The following USP8 variants were observed in gnomAD, a reference collection of about 807,000 sequenced individuals.
USP8 encodes ubiquitin carboxyl-terminal hydrolase 8.
In USP8, 27 loss-of-function variants were observed where a neutral mutation model predicts 130.0. The observed-to-expected ratio is 0.21, with a 90% CI of 0.15 to 0.29. The LOEUF (loss-of-function observed/expected upper bound fraction) is 0.29, where lower values mean the gene tolerates loss of function less well. Ranked by LOEUF, USP8 falls within the 10% of genes least tolerant of loss-of-function variation. USP8 has a pLI of 1.00. For synonymous variants in USP8, 392 were observed against 444.1 expected (o/e 0.88, Z 1.48); for missense variants, 1,029 against 1,312.2 (o/e 0.78, Z 3.33).
chr15:50,433,767 G>T (rs893385445), intron 1 of USP8, among the ~76,000 whole-genome samples: 16 of 151,996 alleles, frequency 1.1e-4, no homozygotes, highest in Non-Finnish European at 1.5e-5. Flanking sequence ...CACCGTGCCC[G>T]GCTAATTTTT....
intron 17 of USP8, 22 bp from the exon 18 acceptor site, chr15:50,497,067 G>A: frequency 6.3e-7 from 1 of 1,586,480 alleles, no homozygotes; most frequent in African/African-American, 1.4e-5. Context: ...ACGAGTATCT[G>A]CTACTTGTTT....
chr15:50,432,296 T>C (rs1018352557), intron 1 of USP8: 39 of 152,212 alleles, frequency 2.6e-4, no homozygotes, highest in African/African-American at 9.2e-4. Context: ...TGTTGCCCAC[T>C]TTGTTGGCTA....
At chr15:50,482,146 A>G in intron 11 of USP8, 81 bp downstream of exon 11, 2 of 1,293,074 alleles carry the variant, frequency 1.5e-6, no homozygotes, top group Non-Finnish European at 2.1e-6. Context: ...GCATTCCATA[A>G]AAGGGCAGGC....
At chr15:50,446,680 G>T (rs939930934) in intron 3 of USP8, among the ~76,000 whole-genome samples, 2 of 152,158 alleles carry the variant, frequency 1.3e-5, no homozygotes, top group Non-Finnish European at 2.9e-5. Context: ...CATAGTGAAG[G>T]GTCCTTCTAG....
chr15:50,428,273 C>T (rs893183627), intron 1 of USP8, among the ~76,000 whole-genome samples: 23 of 152,118 alleles, frequency 1.5e-4, no homozygotes, highest in African/African-American at 3.1e-4. Context: ...TATGCCGCCA[C>T]GCCCAGCTAA....
chr15:50,436,589 C>T (rs1246492977), intron 1 of USP8, among the ~76,000 whole-genome samples: 2 of 151,938 alleles, frequency 1.3e-5, no homozygotes, highest in African/African-American at 2.4e-5. Context: ...ACCTCACCTC[C>T]CGGGTTCAAG....
At chr15:50,481,130 G>T (rs1158075564) in intron 10 of USP8, among the ~76,000 whole-genome samples, 1 of 152,136 alleles carries the variant, frequency 6.6e-6, no homozygotes, top group African/African-American at 2.4e-5. Flanking sequence ...CACTCAAATG[G>T]AAATATTGGG....
At chr15:50,488,783 G>A (rs1224903310) in intron 12 of USP8, among the ~76,000 whole-genome samples, 1 of 151,594 alleles carries the variant, frequency 6.6e-6, no homozygotes, top group Non-Finnish European at 1.5e-5. Flanking sequence ...ATGTTGCCCA[G>A]GCTGGTCTCG....
chr15:50,511,908 A>C lies in USP8; in HGVS notation c.*12820A>C, dbSNP rs1212362961. 2 of 152,202 alleles carry C rather than the reference A, an allele frequency of 1.3e-5. No individual in the cohort carries two copies. The highest frequency in any genetic ancestry group is 2.9e-5 in the Non-Finnish European group (2 of 68,082). 9.4% of individuals were successfully genotyped at this position (152,202 alleles called of 1,614,324 possible). On this transcript the variant is annotated 3_prime_UTR_variant, in exon 20 of 20. Transcript: ENST00000307179. ...AGCTACTCGAGGGAGGGAGGAGGGA[A>C]GATCACTTGAGCCAGGGAGGTTGAG...
intron 4 of USP8, among the ~76,000 whole-genome samples, chr15:50,458,156 T>G (rs1228111364): frequency 6.6e-6 from 1 of 152,144 alleles, no homozygotes; most frequent in African/African-American, 2.4e-5. Flanking sequence ...TTCGTTCATT[T>G]ATTTATTTAT....
intron 12 of USP8, among the ~76,000 whole-genome samples, chr15:50,485,550 ATTTTTTTT>A (rs71424071): frequency 1.8e-3 from 49 of 27,944 alleles, no homozygotes; most frequent in South Asian, 7.2e-3. Context: ...CAGTTTAGTG[ATTTTTTTT>A]TTTTTTTTTT....
At chr15:50,435,515 C>G (rs1245226709) in intron 1 of USP8, among the ~76,000 whole-genome samples, 1 of 152,166 alleles carries the variant, frequency 6.6e-6, no homozygotes, top group African/African-American at 2.4e-5. Flanking sequence ...AACCACTCTC[C>G]TACAGATACT....
chr15:50,500,984 T>G lies in USP8; in HGVS notation c.*1896T>G. On this transcript the variant is annotated 3_prime_UTR_variant, in exon 20 of 20. Transcript: ENST00000307179. ...TAATTTTGTTGTTAAATCATGCATATAGCCTGACTGCTATATTGCTTCTCA... is the reference window on the plus strand; with the variant it reads ...TAATTTTGTTGTTAAATCATGCATAGAGCCTGACTGCTATATTGCTTCTCA... 1 of 638,200 alleles carries G rather than the reference T, an allele frequency of 1.6e-6. No individual in the cohort carries two copies. The allele number at this position is 638,200 out of a possible 1,614,324, so 39.5% of individuals were successfully genotyped here. A position where few individuals can be genotyped will look rare whatever the true frequency, so the allele number is the denominator to read the frequency against.
chr15:50,477,789 C>T (rs1287371453), intron 10 of USP8, among the ~76,000 whole-genome samples: 1 of 150,242 alleles, frequency 6.7e-6, no homozygotes, highest in Non-Finnish European at 1.5e-5. Flanking sequence ...TGCAGTGAGT[C>T]GAGATTGCAC....
intron 7 of USP8, among the ~76,000 whole-genome samples, chr15:50,469,517 G>T (rs2051304923): frequency 6.6e-6 from 1 of 151,848 alleles, no homozygotes; most frequent in Non-Finnish European, 1.5e-5. Flanking sequence ...CTTCTTTGTT[G>T]ACCAAGCATC....
intron 7 of USP8, among the ~76,000 whole-genome samples, chr15:50,467,731 T>G (rs1200690570): frequency 6.6e-6 from 1 of 151,514 alleles, no homozygotes; most frequent in Non-Finnish European, 1.5e-5. Context: ...GATTTTTGTA[T>G]TTTTTTGTAG....
At chr15:50,459,677 A>C (rs1211935624) in intron 5 of USP8, among the ~76,000 whole-genome samples, 1 of 152,042 alleles carries the variant, frequency 6.6e-6, no homozygotes, top group African/African-American at 2.4e-5. Context: ...TCTCTGCATT[A>C]ATTCGTTTTT....
chr15:50,441,001 CAA>C (rs34390770), intron 2 of USP8, among the ~76,000 whole-genome samples: 241 of 135,418 alleles, frequency 1.8e-3, no homozygotes, highest in African/African-American at 5.0e-3. Context: ...GACCCCATCT[CAA>C]AAAAAAAAAA....
intron 1 of USP8, among the ~76,000 whole-genome samples, chr15:50,426,250 TC>T (rs1311408430): frequency 1.3e-5 from 2 of 152,088 alleles, no homozygotes; most frequent in Non-Finnish European, 2.9e-5. Context: ...TACGAACTTT[TC>T]TCCATGAAAA....
Sources: allele counts gnomAD v4.1 joint callset (sites outside exome capture counted in the v4.1 genomes callset), GRCh38; gene constraint gnomAD v4.1.1; transcripts MANE v1.5; gene names NCBI Gene and HGNC (gene_info 2026-07-23, HGNC 2026-07-21).